The following PCDHGB4 variants were observed in gnomAD, a reference collection of about 807,000 sequenced individuals.
The protein encoded by PCDHGB4 is protocadherin gamma subfamily B, 4, also known as protocadherin gamma-B4.
PCDHGB4 carries 38 observed loss-of-function variants against 60.5 expected under a neutral mutation model. That is an observed-to-expected ratio of 0.63 (90% confidence interval 0.48 to 0.82). The LOEUF is 0.82. Among genes scored for constraint, PCDHGB4 ranks in the 40% least tolerant of loss-of-function variants. PCDHGB4 has a pLI of 0.00. For synonymous variants in PCDHGB4, 456 were observed against 509.7 expected (o/e 0.89, Z 1.42); for missense variants, 1,109 against 1,209.6 (o/e 0.92, Z 1.23).
chr5:141,448,912 T>C (rs1195715286), intron 1 of PCDHGB4, among the ~76,000 whole-genome samples: 1 of 152,152 alleles, frequency 6.6e-6, no homozygotes, highest in Non-Finnish European at 1.5e-5. Flanking sequence ...GCCACTGCAC[T>C]CCAGCCTGGG....
In PCDHGB4 at chr5:141,432,513, G is replaced by T. The variant is rs755227021; in HGVS notation, c.2397+42232G>T. On this transcript the variant is annotated intron_variant, in intron 1 of 3. Coordinates refer to ENST00000519479, the MANE Select transcript of PCDHGB4 (RefSeq NM_003736.4). The surrounding 1 kb of genome is among the most constrained non-coding windows in gnomAD (Gnocchi z 6.0). ...CTGGCTCCCCGCTCCGCAGAGCCCG[G>T]CTACCTGGTGACCAAGGTGGTGGCG... The T allele has an allele frequency of 3.1e-6, 5 of 1,614,102 alleles. No individual in the cohort carries two copies. Among genetic ancestry groups the T allele is most frequent in the African/African-American group, 2.7e-5 (2 of 75,062 alleles).
rs760878091 is a variant in PCDHGB4 at position 141,476,406 on chromosome 5, T to A, written c.2398-18401T>A. The A allele has an allele frequency of 6.2e-7, 1 of 1,614,054 alleles. No individual in the cohort carries two copies. The highest frequency in any genetic ancestry group is 8.5e-7 in the Non-Finnish European group (1 of 1,180,002). On this transcript the variant is annotated intron_variant, in intron 1 of 3. Transcript: ENST00000519479. The surrounding 1 kb of genome is among the most constrained non-coding windows in gnomAD (Gnocchi z 7.6). Reference sequence around the variant, plus strand: ...AACGACCGTCTGGATCGAGAGGAGCTGTGTGGGACACTGCCCTCTTGCACT... The same window carrying A: ...AACGACCGTCTGGATCGAGAGGAGCAGTGTGGGACACTGCCCTCTTGCACT...
intron 1 of PCDHGB4, chr5:141,478,813 A>G (rs2099478658): frequency 4.8e-6 from 7 of 1,453,346 alleles, no homozygotes; most frequent in Non-Finnish European, 6.3e-6. Context: ...TGCTATCACA[A>G]CTAACCAATC....
At chr5:141,456,687 A>G (rs1053490307) in intron 1 of PCDHGB4, among the ~76,000 whole-genome samples, 1 of 152,156 alleles carries the variant, frequency 6.6e-6, no homozygotes. Context: ...ATTACTGGCC[A>G]GGCGTGGTGG....
chr5:141,406,481 T>C (rs2094814987), intron 1 of PCDHGB4, among the ~76,000 whole-genome samples: 2 of 152,242 alleles, frequency 1.3e-5, no homozygotes, highest in Admixed American at 6.5e-5. Flanking sequence ...GGTTATATTT[T>C]TCAGATCACA....
chr5:141,452,054 C>T (rs578157525), intron 1 of PCDHGB4, among the ~76,000 whole-genome samples: 2 of 152,078 alleles, frequency 1.3e-5, no homozygotes, highest in Admixed American at 1.3e-4. Flanking sequence ...TTTGTAATAA[C>T]TTATTCTACT....
chr5:141,402,760 G>A (rs2094303871), intron 1 of PCDHGB4, among the ~76,000 whole-genome samples: 1 of 152,176 alleles, frequency 6.6e-6, no homozygotes, highest in African/African-American at 2.4e-5. Flanking sequence ...CGAAAATCAG[G>A]ACTCCATCCG....
intron 1 of PCDHGB4, among the ~76,000 whole-genome samples, chr5:141,483,310 A>G (rs2099579870): frequency 6.6e-6 from 1 of 152,156 alleles, no homozygotes; most frequent in African/African-American, 2.4e-5. Context: ...GACTGGGGAC[A>G]TTGGGACTGG....
At position 141,388,360 on chromosome 5, in the gene PCDHGB4, A is replaced by T; in HGVS notation, c.476A>T (p.Asp159Val). 2.5e-6 allele frequency: 4 copies of T among 1,613,996 alleles called. No individual in the cohort carries two copies. The highest frequency in any genetic ancestry group is 3.4e-6 in the Non-Finnish European group (4 of 1,179,878). Residue 159 changes from aspartate (D) to valine (V), a missense_variant, in exon 1 of 4, where the codon GAT (aspartate) becomes GTT (valine). Around this residue, in one of 2 missense-constraint regions of PCDHGB4, gnomAD observed 1,068 missense variants for 1,089.9 expected, o/e 0.98. Coordinates refer to ENST00000519479, the MANE Select transcript of PCDHGB4 (RefSeq NM_003736.4). Reference protein sequence around the residue: ...GTRFILGSAHDADIGSNTLQN... With the variant: ...GTRFILGSAHVADIGSNTLQN... ...CGATTTATATTAGGATCTGCCCATG[A>T]TGCGGATATTGGTAGCAACACACTG...
chr5:141,414,519 T>C (rs754685087), intron 1 of PCDHGB4: 6 of 1,613,856 alleles, frequency 3.7e-6, no homozygotes, highest in Non-Finnish European at 5.1e-6. Context: ...AAGTGGCAGA[T>C]ATCAATGACA....
intron 1 of PCDHGB4, chr5:141,402,800 C>T: frequency 1.9e-6 from 2 of 1,072,726 alleles, no homozygotes; most frequent in African/African-American, 1.6e-5. Flanking sequence ...ACACAAAACC[C>T]GGCAGATACC....
chr5:141,412,983 G>A (rs1372992044), intron 1 of PCDHGB4: 1 of 557,334 alleles, frequency 1.8e-6, no homozygotes, highest in Admixed American at 3.6e-5. Context: ...CGCAGCCAGA[G>A]CTCAATCCGG....
Position 141,486,390 on chromosome 5 carries a change from C to T in PCDHGB4, c.2398-8417C>T. 6.2e-7 allele frequency: 1 copy of T among 1,614,138 alleles called. No homozygotes were observed. The highest frequency in any genetic ancestry group is 1.1e-5 in the South Asian group (1 of 91,084). On this transcript the variant is annotated intron_variant, in intron 1 of 3. Coordinates refer to ENST00000519479, the MANE Select transcript of PCDHGB4 (RefSeq NM_003736.4). This position sits in a 1 kb window ranked among gnomAD's most constrained non-coding sequence, Gnocchi z 5.0. ...AAGTCTGCCTTCAGGAACCAGTTCTCCCTGGTGACTGCTGGACCCTTGGAT... is the reference window on the plus strand; with the variant it reads ...AAGTCTGCCTTCAGGAACCAGTTCTTCCTGGTGACTGCTGGACCCTTGGAT...
chr5:141,414,900 T>C (rs1402776790), intron 1 of PCDHGB4: 5 of 1,614,170 alleles, frequency 3.1e-6, no homozygotes, highest in Middle Eastern at 1.6e-4. Flanking sequence ...CCACAGACGG[T>C]TCCACAGGCG....
rs773899530 is a variant in PCDHGB4 at position 141,494,864 on chromosome 5, G to A, written c.2455G>A (p.Gly819Ser). 1.6e-5 allele frequency: 26 copies of A among 1,613,950 alleles called. No individual in the cohort carries two copies. The Admixed American group carries it at 3.5e-4, about 22-fold the overall frequency. Reference protein sequence around the residue: ...FSQAQRPGTSGSQNGDDTGTW... With the variant: ...FSQAQRPGTSSSQNGDDTGTW... ...TCAGGCCCAGAGACCCGGCACCAGC[G>A]GGTAGGTGACTGATTCTCCAGCCCA... Residue 819 changes from glycine to serine, a missense_variant and splice_region_variant, in exon 2 of 4, where the codon GGC (glycine) becomes AGC (serine). Gly to Ser is a moderately conservative substitution (Grantham distance 56, BLOSUM62 0). Coordinates refer to ENST00000519479, the MANE Select transcript of PCDHGB4 (RefSeq NM_003736.4).
chr5:141,445,115 A>G (rs1038787011), intron 1 of PCDHGB4, among the ~76,000 whole-genome samples: 1 of 152,308 alleles, frequency 6.6e-6, no homozygotes, highest in East Asian at 1.9e-4. Flanking sequence ...GTTATTGTAA[A>G]TAGTATTTTT....
Position 141,388,715 on chromosome 5 carries a change from T to A in PCDHGB4, c.831T>A (p.Ile277=), listed in dbSNP as rs2091466126. 6.2e-7 allele frequency: 1 copy of A among 1,613,878 alleles called. No individual in the cohort carries two copies. Among genetic ancestry groups the A allele is most frequent in the Non-Finnish European group, 8.5e-7 (1 of 1,179,890 alleles). Residue 277 remains isoleucine (I), a synonymous_variant, in exon 1 of 4, where the codon ATT becomes ATA. Coordinates refer to ENST00000519479, the MANE Select transcript of PCDHGB4 (RefSeq NM_003736.4). ...TDQDEGVNAE[I]TFSFSEASQI... Reference sequence around the variant, plus strand: ...AGGATGAGGGTGTCAATGCCGAGATTACTTTCTCTTTCAGTGAAGCTAGCC... The same window carrying A: ...AGGATGAGGGTGTCAATGCCGAGATAACTTTCTCTTTCAGTGAAGCTAGCC...
intron 1 of PCDHGB4, among the ~76,000 whole-genome samples, chr5:141,453,076 G>A (rs2098755408): frequency 1.3e-5 from 2 of 151,984 alleles, no homozygotes; most frequent in Admixed American, 6.6e-5. Flanking sequence ...CCACACTCTG[G>A]TTGATTAGTA....
At chr5:141,458,403 C>T (rs1057108239) in intron 1 of PCDHGB4, among the ~76,000 whole-genome samples, 6 of 152,136 alleles carry the variant, frequency 3.9e-5, no homozygotes, top group African/African-American at 1.2e-4. Context: ...CTTGCAGAGA[C>T]GGAGCGGGGG....
Sources: allele counts gnomAD v4.1 joint callset (sites outside exome capture counted in the v4.1 genomes callset), GRCh38; gene constraint gnomAD v4.1.1; regional missense constraint gnomAD v4.1.1; non-coding constraint Gnocchi (gnomAD v3.1); transcripts MANE v1.5; gene names NCBI Gene and HGNC (gene_info 2026-07-23, HGNC 2026-07-21).